The following YAF2 variants were observed in gnomAD, a reference collection of about 807,000 sequenced individuals.
YAF2 encodes the protein YY1-associated factor 2.
A neutral mutation model predicts 20.1 loss-of-function variants in YAF2; 7 were observed. That is an observed-to-expected ratio of 0.35 (90% CI 0.20 to 0.65). The LOEUF (loss-of-function observed/expected upper bound fraction) is 0.65, where lower values mean the gene tolerates loss of function less well. Among genes scored for constraint, YAF2 ranks in the 30% least tolerant of loss-of-function variants. The pLI is 0.69. For synonymous variants in YAF2, 74 were observed against 76.0 expected, an observed-to-expected ratio of 0.97 and a Z score of 0.14; for missense variants, 151 against 219.2, an observed-to-expected ratio of 0.69 and a Z score of 1.96.
Position 42,203,785 on chromosome 12 carries a change from T to C in YAF2, c.152+33814A>G, listed in dbSNP as rs1285621221. ...ATTTTCCCTTGTATAGTCTTTCCAT[T>C]CTAGATTTAAATGCTAAACTTGCCT... On this transcript the variant is annotated intron_variant, in intron 2 of 3. Transcript: ENST00000534854. Among the ~76,000 whole-genome samples the C allele has an allele frequency of 2.6e-5, 4 of 152,364 alleles. No homozygotes were observed. The East Asian group carries it at 5.8e-4, about 22-fold the overall frequency.
At chr12:42,171,139 TG>T (rs1267367558) in intron 2 of YAF2, among the ~76,000 whole-genome samples, 1 of 152,080 alleles carries the variant, frequency 6.6e-6, no homozygotes, top group Non-Finnish European at 1.5e-5. Flanking sequence ...ATTGCACGTA[TG>T]TGCCACCATA....
intron 3 of YAF2, chr12:42,161,097 A>G (rs544019311): frequency 2.5e-6 from 1 of 401,264 alleles, no homozygotes; most frequent in Non-Finnish European, 4.4e-6. Context: ...AATTTTGCAG[A>G]CAGCTTATTA....
chr12:42,164,739 G>A (rs999595555), intron 2 of YAF2, among the ~76,000 whole-genome samples: 1 of 151,206 alleles, frequency 6.6e-6, no homozygotes, highest in Non-Finnish European at 1.5e-5. Flanking sequence ...GCTAACAAAC[G>A]CCCAAAAATC....
Position 42,160,484 on chromosome 12 carries a change from G to A in YAF2, c.*105C>T. ...TATTTTATGTAAAACTCAAATTATGGATTGTGCATGAATGTATCTGTCATG... is the reference window on the plus strand; with the variant it reads ...TATTTTATGTAAAACTCAAATTATGAATTGTGCATGAATGTATCTGTCATG... On this transcript the variant is annotated 3_prime_UTR_variant, in exon 4 of 4. Transcript: ENST00000534854. 1 of 829,278 alleles carries A rather than the reference G, an allele frequency of 1.2e-6. No individual in the cohort carries two copies. Among genetic ancestry groups the A allele is most frequent in the Non-Finnish European group, 1.9e-6 (1 of 526,514 alleles). 51.4% of individuals were successfully genotyped at this position (829,278 alleles called of 1,614,324 possible).
At chr12:42,212,709 T>G (rs1264830769) in intron 2 of YAF2, among the ~76,000 whole-genome samples, 1 of 152,236 alleles carries the variant, frequency 6.6e-6, no homozygotes, top group Non-Finnish European at 1.5e-5. Flanking sequence ...ACAACACACC[T>G]GTCAAGATTG....
rs1352093947 is a variant in YAF2 at position 42,237,718 on chromosome 12, C to T, written c.33G>A (p.Lys11=). The change falls in exon 2 of 4, where the codon AAG becomes AAA. Residue 11 remains lysine, a synonymous_variant. Coordinates refer to ENST00000534854, the MANE Select transcript of YAF2 (RefSeq NM_005748.6). ...CATCCGAGGACGGCTTCGGCTGCCGCTTCGGCCTGCAGGACACAACCCGGA... is the reference window on the plus strand; with the variant it reads ...CATCCGAGGACGGCTTCGGCTGCCGTTTCGGCCTGCAGGACACAACCCGGA... MGDKKSPTRP[K]RQPKPSSDEG... The T allele has an allele frequency of 2.6e-6, 4 of 1,563,876 alleles. No individual in the cohort carries two copies. The highest frequency in any genetic ancestry group is 3.5e-6 in the Non-Finnish European group (4 of 1,157,432).
intron 2 of YAF2, among the ~76,000 whole-genome samples, chr12:42,190,451 AG>A (rs2066585384): frequency 6.6e-6 from 1 of 152,210 alleles, no homozygotes; most frequent in South Asian, 2.1e-4. Context: ...AAAGATTGCT[AG>A]CTAGCCTTAC....
chr12:42,163,990 A>G (rs906742856), intron 2 of YAF2, among the ~76,000 whole-genome samples: 1 of 152,234 alleles, frequency 6.6e-6, no homozygotes, highest in Non-Finnish European at 1.5e-5. Context: ...AGGGCAGAGT[A>G]TCATTTATAA....
intron 2 of YAF2, among the ~76,000 whole-genome samples, chr12:42,226,171 TAC>T (rs1442125816): frequency 6.6e-6 from 1 of 152,226 alleles, no homozygotes; most frequent in Non-Finnish European, 1.5e-5. Context: ...TAATACGCTG[TAC>T]ACTTTCACAG....
intron 2 of YAF2, among the ~76,000 whole-genome samples, chr12:42,183,814 C>G (rs989855624): frequency 6.6e-6 from 1 of 152,212 alleles, no homozygotes; most frequent in Non-Finnish European, 1.5e-5. Context: ...AAAGAAGATG[C>G]CATCTAGGAC....
At chr12:42,209,282 G>C (rs1331766352) in intron 2 of YAF2, among the ~76,000 whole-genome samples, 1 of 150,494 alleles carries the variant, frequency 6.6e-6, no homozygotes, top group Non-Finnish European at 1.5e-5. Context: ...GTGCTAGTCA[G>C]GCCAGGAGCA....
At chr12:42,162,251 G>T (rs961249347) in intron 2 of YAF2, among the ~76,000 whole-genome samples, 5 of 152,036 alleles carry the variant, frequency 3.3e-5, no homozygotes, top group African/African-American at 1.2e-4. Flanking sequence ...ACTCCTTATT[G>T]CTTAAATCCT....
intron 2 of YAF2, among the ~76,000 whole-genome samples, chr12:42,166,204 C>T (rs944115898): frequency 2.0e-5 from 3 of 152,202 alleles, no homozygotes; most frequent in East Asian, 1.9e-4. Flanking sequence ...TGAGCCATTG[C>T]GCCTGGCCTC....
chr12:42,194,440 T>A (rs975434966), intron 2 of YAF2, among the ~76,000 whole-genome samples: 2 of 152,044 alleles, frequency 1.3e-5, no homozygotes, highest in Non-Finnish European at 2.9e-5. Context: ...GGTCAGGAGT[T>A]CGAGACCAGT....
At chr12:42,202,381 T>C (rs2066923017) in intron 2 of YAF2, among the ~76,000 whole-genome samples, 1 of 152,176 alleles carries the variant, frequency 6.6e-6, no homozygotes, top group African/African-American at 2.4e-5. Context: ...CTATTAACAT[T>C]CCTCATGCTC....
At chr12:42,234,696 A>G in intron 2 of YAF2, 1 of 984,810 alleles carries the variant, frequency 1.0e-6, no homozygotes, top group Non-Finnish European at 1.2e-6. Flanking sequence ...TTGCCAATAA[A>G]GACTTTAAAG....
chr12:42,167,898 A>T (rs2065952905), intron 2 of YAF2, among the ~76,000 whole-genome samples: 1 of 152,218 alleles, frequency 6.6e-6, no homozygotes, highest in African/African-American at 2.4e-5. Context: ...GCTACAGTCC[A>T]GGACAGTCAA....
At chr12:42,179,601 T>A (rs1818815113) in intron 2 of YAF2, among the ~76,000 whole-genome samples, 1 of 151,948 alleles carries the variant, frequency 6.6e-6, no homozygotes, top group South Asian at 2.1e-4. Context: ...ACCAGCCTAG[T>A]AACATGGTGA....
chr12:42,169,268 A>T (rs2065985448), intron 2 of YAF2, among the ~76,000 whole-genome samples: 1 of 152,144 alleles, frequency 6.6e-6, no homozygotes, highest in South Asian at 2.1e-4. Flanking sequence ...CAAAGGTTCT[A>T]CTTTCTTATT....
Sources: allele counts gnomAD v4.1 joint callset (sites outside exome capture counted in the v4.1 genomes callset), GRCh38; gene constraint gnomAD v4.1.1; transcripts MANE v1.5; gene names NCBI Gene and HGNC (gene_info 2026-07-23, HGNC 2026-07-21).